Variants in PIDD1 observed in about 807,000 individuals in gnomAD.
PIDD1 encodes p53-induced death domain protein 1.
PIDD1 carries 72 observed loss-of-function variants against 80.0 expected under a neutral mutation model. The ratio of observed to expected loss-of-function variants is 0.90; its 90% CI spans 0.74 to 1.09. The LOEUF (loss-of-function observed/expected upper bound fraction) is 1.09, where lower values mean the gene tolerates loss of function less well. Among genes scored for constraint, PIDD1 ranks in the 50% least tolerant of loss-of-function variants. The probability of loss-of-function intolerance (pLI) is 0.00; values close to 1 mark genes in which losing one functional copy is unlikely to be tolerated. For synonymous variants in PIDD1, 655 were observed against 543.5 expected (o/e 1.21, Z -2.85); for missense variants, 1,329 against 1,228.3 (o/e 1.08, Z -1.23).
In PIDD1 at chr11:803,322, G is replaced by C. The variant is rs752281475; in HGVS notation, c.561C>G (p.Pro187=). 97 of 1,613,810 alleles carry C rather than the reference G, an allele frequency of 6.0e-5. 1 individual carries two copies. In the South Asian group the frequency reaches 7.7e-4, roughly 13 times the overall value. The change falls in exon 3 of 16, where the codon CCC becomes CCG. Residue 187 remains proline (P), a synonymous_variant. Coordinates refer to ENST00000347755, the MANE Select transcript of PIDD1 (RefSeq NM_145886.4). ...TVTHNRLQTL[P]PALGALSTLQ... is the part of the protein sequence containing the mutation. ...GGGTGGATAGGGCCCCCAGTGCTGGGGGCAGCGTCTGCAGGCGGTTGTGTG... is the reference window on the plus strand; with the variant it reads ...GGGTGGATAGGGCCCCCAGTGCTGGCGGCAGCGTCTGCAGGCGGTTGTGTG...
chr11:805,270 C>T (rs993599265), upstream of PIDD1: 1,033 of 968,806 alleles, frequency 1.1e-3, 1 homozygote, highest in Non-Finnish European at 1.2e-3. Flanking sequence ...GCGGGGACTG[C>T]AGACCCCGCC....
At chr11:801,168 C>T (rs749810683) in intron 9 of PIDD1, 48 bp from the exon 10 acceptor site, 16 of 1,546,168 alleles carry the variant, frequency 1.0e-5, no homozygotes, top group Admixed American at 5.6e-5. Context: ...CCGGAGACCC[C>T]CTCCACCCTA....
At chr11:805,368 C>T (rs560924913), upstream of PIDD1, 19 of 390,414 alleles carry the variant, frequency 4.9e-5, no homozygotes, top group South Asian at 1.6e-3. Context: ...GACCCGCCTT[C>T]CCTCCGCCTG....
At position 803,358 on chromosome 11, in the gene PIDD1, G is replaced by T; in HGVS notation, c.525C>A (p.Phe175Leu). The T allele has an allele frequency of 6.2e-7, 1 of 1,614,038 alleles. No homozygotes were observed. Among genetic ancestry groups the T allele is most frequent in the Non-Finnish European group, 8.5e-7 (1 of 1,180,010 alleles). ...GCAGGCGGTTGTGTGTCACTGTGAG[G>T]AAGGTGAGGGCGGGGAGGGCCCCCA... ...EALGALPALT[F>L]LTVTHNRLQT... The change falls in exon 3 of 16, where the codon TTC (phenylalanine) becomes TTA (leucine). Residue 175 changes from phenylalanine (F) to leucine (L), a missense_variant. Physicochemically the swap from Phe to Leu is conservative, Grantham distance 22. Transcript: ENST00000347755.
intron 15 of PIDD1, 101 bp from the exon 16 acceptor site, chr11:799,666 C>A: frequency 7.0e-7 from 1 of 1,418,932 alleles, no homozygotes; most frequent in Admixed American, 2.5e-5. Context: ...GCTCCTGGGG[C>A]CAGGTGCGGC....
At chr11:802,172 C>A in intron 6 of PIDD1, 23 bp downstream of exon 6, 1 of 1,576,846 alleles carries the variant, frequency 6.3e-7, no homozygotes, top group Non-Finnish European at 8.6e-7. Context: ...CCACACACTG[C>A]CCCCGCCACG....
intron 12 of PIDD1, 36 bp from the exon 13 acceptor site, chr11:800,487 G>A (rs192604829): frequency 2.9e-5 from 46 of 1,609,000 alleles, no homozygotes; most frequent in Admixed American, 1.3e-4. Flanking sequence ...AGGAGGGCTC[G>A]GGGAGGACGG....
chr11:805,239 C>A (rs936064196), upstream of PIDD1: 1 of 982,782 alleles, frequency 1.0e-6, no homozygotes, highest in Non-Finnish European at 1.2e-6. Context: ...CCTGGGATCC[C>A]GCCGGCGCGT....
At chr11:800,068 T>A in intron 14 of PIDD1, 54 bp from the exon 15 acceptor site, 1 of 1,603,992 alleles carries the variant, frequency 6.2e-7, no homozygotes, top group Non-Finnish European at 8.5e-7. Flanking sequence ...AACTCCACCA[T>A]GTCACCCTGG....
intron 5 of PIDD1, 32 bp downstream of exon 5, chr11:802,511 C>G (rs1018347744): frequency 1.2e-6 from 2 of 1,610,732 alleles, no homozygotes; most frequent in Non-Finnish European, 1.7e-6. Flanking sequence ...GGCAGACAGA[C>G]TCCCCTCCAG....
intron 7 of PIDD1, 98 bp downstream of exon 7, chr11:801,867 G>T: frequency 2.0e-6 from 3 of 1,471,034 alleles, no homozygotes; most frequent in Non-Finnish European, 2.8e-6. Flanking sequence ...GGAGGGACGG[G>T]GCAGGGTGGA....
Position 800,263 on chromosome 11 carries a change from G to A in PIDD1, c.2161-19C>T, listed in dbSNP as rs1325467116. The A allele has an allele frequency of 1.2e-5, 20 of 1,611,492 alleles. No individual in the cohort carries two copies. Among genetic ancestry groups the A allele is most frequent in the Non-Finnish European group, 1.6e-5 (19 of 1,179,434 alleles). On this transcript the variant is annotated intron_variant, in intron 13 of 15. Coordinates refer to ENST00000347755, the MANE Select transcript of PIDD1 (RefSeq NM_145886.4). The stretch of plus-strand genomic sequence containing the variant: ...AGGACACCTGAAGGGGCATCGAATG[G>A]GGTTCGGAGTTCGGTCCTCTGCCCA...
upstream of PIDD1, among the ~76,000 whole-genome samples, chr11:807,975 G>A (rs1347589808): frequency 6.6e-6 from 1 of 152,120 alleles, no homozygotes; most frequent in Non-Finnish European, 1.5e-5. Flanking sequence ...AATGAAAAAA[G>A]CCAGACACAA....
In PIDD1 at chr11:802,756, A is replaced by C; in HGVS notation, c.845T>G (p.Leu282Arg). ...CAGGCGCACAAAGGGGGCGTCTAGCAGCTCAGGGGGCAGGTCCCGGAGCTG... is the reference window on the plus strand; with the variant it reads ...CAGGCGCACAAAGGGGGCGTCTAGCCGCTCAGGGGGCAGGTCCCGGAGCTG... ...DNQLRDLPPE[L>R]LDAPFVRLQG... Residue 282 changes from leucine (L) to arginine (R), a missense_variant, in exon 4 of 16, where the codon CTG (leucine) becomes CGG (arginine). Physicochemically the swap from Leu to Arg is moderately radical, Grantham distance 102. Coordinates refer to ENST00000347755, the MANE Select transcript of PIDD1 (RefSeq NM_145886.4). 2 of 1,610,930 alleles carry C rather than the reference A, an allele frequency of 1.2e-6. No homozygotes were observed. The highest frequency in any genetic ancestry group is 1.7e-6 in the Non-Finnish European group (2 of 1,179,160).
In PIDD1 at chr11:801,311, C is replaced by T. The variant is rs1865292938; in HGVS notation, c.1537G>A (p.Ala513Thr). 2 of 1,604,788 alleles carry T rather than the reference C, an allele frequency of 1.2e-6. No homozygotes were observed. Among genetic ancestry groups the T allele is most frequent in the Non-Finnish European group, 1.7e-6 (2 of 1,175,512 alleles). The change falls in exon 9 of 16, where the codon GCA (alanine) becomes ACA (threonine). Residue 513 changes from alanine (A) to threonine (T), a missense_variant. Coordinates refer to ENST00000347755, the MANE Select transcript of PIDD1 (RefSeq NM_145886.4). ...GACAGGCACAGCAGGGGGCTCACTG[C>T]AGCCTCTGGTTCTCCCAGGAGGGCC... ...LQALLGEPEA[A>T]VSPLLCLSQS...
At chr11:803,768 G>A (rs529208287) in intron 2 of PIDD1, 181 bp from the exon 3 acceptor site, 1 of 702,600 alleles carries the variant, frequency 1.4e-6, no homozygotes, top group Admixed American at 2.7e-5. Context: ...AAGGAGGCAG[G>A]GGTGGAGACC....
chr11:802,302 G>GGATGGT lies in PIDD1; in HGVS notation c.1063_1068dup (p.Thr355_Ile356dup). 3 of 1,612,200 alleles carry GGATGGT rather than the reference G, an allele frequency of 1.9e-6. No homozygotes were observed. Among genetic ancestry groups the GGATGGT allele is most frequent in the Non-Finnish European group, 2.5e-6 (3 of 1,179,762 alleles). ...GGCTCCGGCAGCAGCAGCCGATAGC[G>GGATGGT]GATGGTGATGGGGGTGGCGGTGGCT... is the stretch of plus-strand genomic sequence containing the variant. On this transcript the variant is annotated inframe_insertion, in exon 6 of 16. Transcript: ENST00000347755.
chr11:802,554 T>C lies in PIDD1; in HGVS notation c.963A>G (p.Ser321=). The C allele has an allele frequency of 1.2e-6, 2 of 1,613,308 alleles. No homozygotes were observed. Among genetic ancestry groups the C allele is most frequent in the Non-Finnish European group, 1.7e-6 (2 of 1,179,708 alleles). The change falls in exon 5 of 16, where the codon TCA becomes TCG. Residue 321 remains serine (S), a synonymous_variant. Coordinates refer to ENST00000347755, the MANE Select transcript of PIDD1 (RefSeq NM_145886.4). ...IPEMPRLFLT[S]DLDSFPVTPQ... is the part of the protein sequence containing the mutation. The stretch of plus-strand genomic sequence containing the variant: ...AACCCACCCCATACCTGTCCAAATC[T>C]GAGGTCAGGAACAGTCTGGGCATTT...
rs1865557835 is a variant in PIDD1, at chr11:803,583, C to T, written c.300G>A (p.Gly100=). 1.2e-6 allele frequency: 2 copies of T among 1,605,106 alleles called. No homozygotes were observed. The highest frequency in any genetic ancestry group is 2.2e-5 in the South Asian group (2 of 90,464). ...SCLRSLVLKG[G]QRRDTLGACL... ...AGGCACCCAGTGTGTCCCGGCGTTG[C>T]CCTCCTGGGAAGGGGGGAGGCGGAT... Residue 100 remains glycine, a synonymous_variant, in exon 3 of 16, where the codon GGG becomes GGA. Coordinates refer to ENST00000347755, the MANE Select transcript of PIDD1 (RefSeq NM_145886.4).
Sources: allele counts gnomAD v4.1 joint callset (sites outside exome capture counted in the v4.1 genomes callset), GRCh38; gene constraint gnomAD v4.1.1; transcripts MANE v1.5; gene names NCBI Gene and HGNC (gene_info 2026-07-23, HGNC 2026-07-21).